GLRA2: variants seen among roughly 807,000 people sequenced by gnomAD.
GLRA2 encodes glycine receptor alpha 2, also known as glycine receptor subunit alpha-2.
Under a neutral mutation model 31.6 loss-of-function variants are expected in GLRA2, and 11 were observed. The observed-to-expected ratio is 0.35, with a 90% CI of 0.22 to 0.58. The LOEUF is 0.58. Ranked by LOEUF, GLRA2 falls within the 20% of genes least tolerant of loss-of-function variation. The pLI is 0.84. For synonymous variants in GLRA2, 132 were observed against 134.0 expected (o/e 0.99, Z 0.10); for missense variants, 212 against 351.8 (o/e 0.60, Z 3.18).
the GLRA2 span, among the ~76,000 whole-genome samples, chrX:14,459,393 T>C: frequency 9.0e-6 from 1 of 111,101 alleles, no homozygotes; most frequent in Non-Finnish European, 1.9e-5. Flanking sequence ...AAAGTAGTTT[T>C]TTCCAATTCT....
chrX:14,636,274 T>A (rs2090709360), intron 7 of GLRA2, among the ~76,000 whole-genome samples: 1 of 111,401 alleles, frequency 9.0e-6, no homozygotes, highest in Admixed American at 9.5e-5. Flanking sequence ...TCCCATAGGG[T>A]ACAGTATGGA....
intron 2 of GLRA2, among the ~76,000 whole-genome samples, chrX:14,536,089 A>G (rs2089319794): frequency 8.9e-6 from 1 of 112,151 alleles, no homozygotes; most frequent in Admixed American, 9.5e-5. Flanking sequence ...TGCCATGCAC[A>G]CTATTTTTTT....
chrX:14,532,030 G>A (rs1475763479), intron 1 of GLRA2, among the ~76,000 whole-genome samples: 2 of 111,697 alleles, frequency 1.8e-5, no homozygotes, highest in African/African-American at 6.5e-5. Context: ...TGGGTGACGC[G>A]ACTCAGGATT....
chrX:14,585,418 G>T (rs945637358), intron 4 of GLRA2, among the ~76,000 whole-genome samples: 2 of 111,787 alleles, frequency 1.8e-5, no homozygotes, highest in African/African-American at 6.5e-5. Flanking sequence ...TGAAGTATGT[G>T]ATCAAAATAT....
At chrX:14,473,889 G>A in the GLRA2 span, among the ~76,000 whole-genome samples, 1 of 111,983 alleles carries the variant, frequency 8.9e-6, no homozygotes. Context: ...ATGGTATGGT[G>A]AGAAGTGGAA....
chrX:14,638,836 A>G (rs2090743606), intron 7 of GLRA2, among the ~76,000 whole-genome samples: 2 of 111,908 alleles, frequency 1.8e-5, no homozygotes, highest in Non-Finnish European at 3.8e-5. Context: ...ATTTACTAAT[A>G]TTAAAAGCCA....
At chrX:14,622,429 A>T (rs1299238579) in intron 7 of GLRA2, among the ~76,000 whole-genome samples, 13 of 111,361 alleles carry the variant, frequency 1.2e-4, no homozygotes, top group African/African-American at 3.3e-5. Flanking sequence ...AGTCATGAAG[A>T]CCTTGCCCAT....
At chrX:14,725,315 C>T (rs10521644) in intron 8 of GLRA2, among the ~76,000 whole-genome samples, 20,676 of 111,250 alleles carry the variant, frequency 0.19, 1,770 homozygotes, top group Middle Eastern at 0.27. Context: ...ATATCCAGGT[C>T]TGTGATTAAG....
At chrX:14,560,203 T>C (rs968227895) in intron 2 of GLRA2, among the ~76,000 whole-genome samples, 2 of 112,784 alleles carry the variant, frequency 1.8e-5, no homozygotes, top group African/African-American at 6.4e-5. Flanking sequence ...ATATATTTCA[T>C]ATTCTATTCC....
At chrX:14,690,655 T>G in intron 7 of GLRA2, 55 bp from the exon 8 acceptor site, 2 of 886,478 alleles carry the variant, frequency 2.3e-6, no homozygotes, top group East Asian at 3.1e-5. Context: ...TTCATAGTCT[T>G]TCTTTCTCTC....
chrX:14,476,258 T>C, the GLRA2 span, among the ~76,000 whole-genome samples: 2 of 112,261 alleles, frequency 1.8e-5, no homozygotes, highest in East Asian at 5.6e-4. Flanking sequence ...CCATATTTAC[T>C]CCATTTCCTG....
chrX:14,520,955 A>G, the GLRA2 span, among the ~76,000 whole-genome samples: 2 of 112,629 alleles, frequency 1.8e-5, no homozygotes, highest in East Asian at 5.6e-4. Flanking sequence ...CTAACAACTT[A>G]TCTAATCCAA....
At chrX:14,552,184 G>A (rs918587380) in intron 2 of GLRA2, among the ~76,000 whole-genome samples, 3 of 111,947 alleles carry the variant, frequency 2.7e-5, no homozygotes, top group African/African-American at 9.7e-5. Flanking sequence ...AAACAAGTCT[G>A]AGCAACAGAA....
chrX:14,709,736 A>G (rs2091685983), intron 8 of GLRA2, among the ~76,000 whole-genome samples: 2 of 111,694 alleles, frequency 1.8e-5, no homozygotes, highest in African/African-American at 6.5e-5. Context: ...CTGCAGTCCA[A>G]TGCTCTACCT....
intron 7 of GLRA2, among the ~76,000 whole-genome samples, chrX:14,639,424 C>G (rs762481143): frequency 8.9e-6 from 1 of 112,236 alleles, no homozygotes; most frequent in Admixed American, 9.4e-5. Flanking sequence ...TGGAGGAAAT[C>G]CTGTATCAGA....
chrX:14,557,195 A>G (rs1471264521), intron 2 of GLRA2, among the ~76,000 whole-genome samples: 2 of 90,011 alleles, frequency 2.2e-5, no homozygotes, highest in Non-Finnish European at 4.2e-5. Context: ...GGCTCACTGT[A>G]AGCTCCGCCT....
chrX:14,722,696 G>GT (rs2091880764), intron 8 of GLRA2, among the ~76,000 whole-genome samples: 1 of 111,599 alleles, frequency 9.0e-6, no homozygotes, highest in African/African-American at 3.3e-5. Flanking sequence ...AAAGAAGTGG[G>GT]AACTGCTTCT....
chrX:14,625,900 G>A (rs1268964916), intron 7 of GLRA2, among the ~76,000 whole-genome samples: 1 of 111,608 alleles, frequency 9.0e-6, no homozygotes, highest in African/African-American at 3.3e-5. Flanking sequence ...CTTTATAGAT[G>A]AGGATACTAA....
intron 8 of GLRA2, among the ~76,000 whole-genome samples, chrX:14,691,759 C>G (rs918914295): frequency 1.8e-4 from 20 of 111,618 alleles, no homozygotes; most frequent in African/African-American, 6.5e-4. Context: ...AAGGCTTGCA[C>G]CTGTTTTCCA....
Sources: allele counts gnomAD v4.1 joint callset (sites outside exome capture counted in the v4.1 genomes callset), GRCh38; gene constraint gnomAD v4.1.1; transcripts MANE v1.5; gene names NCBI Gene and HGNC (gene_info 2026-07-23, HGNC 2026-07-21).